Variants in FAM78B observed in about 807,000 individuals in gnomAD.
FAM78B encodes the protein family with sequence similarity 78 member B.
In FAM78B, 10 loss-of-function variants were observed where a neutral mutation model predicts 20.0. The ratio of observed to expected loss-of-function variants is 0.50; its 90% CI spans 0.31 to 0.85. The LOEUF is 0.85. Ranked by LOEUF, FAM78B falls within the 40% of genes least tolerant of loss-of-function variation. FAM78B has a pLI of 0.05. For missense variants in FAM78B, 283 were observed against 345.0 expected (o/e 0.82, Z 1.42); for synonymous variants, 135 against 132.8 (o/e 1.02, Z -0.12).
chr1:166,150,073 C>T (rs1655617446), intron 1 of FAM78B, among the ~76,000 whole-genome samples: 1 of 152,202 alleles, frequency 6.6e-6, no homozygotes, highest in African/African-American at 2.4e-5. Context: ...GACTCTGATA[C>T]TGCATAGGGA....
chr1:166,157,087 C>G (rs1245945736), intron 1 of FAM78B, among the ~76,000 whole-genome samples: 1 of 149,012 alleles, frequency 6.7e-6, no homozygotes, highest in Non-Finnish European at 1.5e-5. Context: ...AGAAAACAGC[C>G]CTGGCTCCAG....
chr1:166,127,328 C>T (rs6659245), intron 1 of FAM78B, among the ~76,000 whole-genome samples: 24,758 of 152,204 alleles, frequency 0.16, 2,191 homozygotes, highest in East Asian at 0.27. Flanking sequence ...GCCTCCACCC[C>T]AATCACCACC....
intron 1 of FAM78B, among the ~76,000 whole-genome samples, chr1:166,102,964 C>G (rs1000540548): frequency 1.3e-5 from 2 of 152,162 alleles, no homozygotes; most frequent in Non-Finnish European, 2.9e-5. Context: ...GGAAGTAAAG[C>G]ACTCCTCAGC....
At chr1:166,091,590 A>G (rs550063337) in intron 1 of FAM78B, among the ~76,000 whole-genome samples, 34 of 152,264 alleles carry the variant, frequency 2.2e-4, no homozygotes, top group South Asian at 2.1e-4. Context: ...AGGTGTATCT[A>G]TCTTTACCAG....
chr1:166,146,416 T>C (rs1412629857), intron 1 of FAM78B, among the ~76,000 whole-genome samples: 2 of 152,182 alleles, frequency 1.3e-5, no homozygotes, highest in African/African-American at 4.8e-5. Flanking sequence ...TGGTACTTGA[T>C]AAAATAATAA....
At chr1:166,125,919 C>T (rs1290940719) in intron 1 of FAM78B, among the ~76,000 whole-genome samples, 1 of 151,448 alleles carries the variant, frequency 6.6e-6, no homozygotes, top group Admixed American at 6.6e-5. Flanking sequence ...GCAACCTCCA[C>T]CTCCCAGGTT....
chr1:166,067,718 C>T (rs758705921), downstream of FAM78B, among the ~76,000 whole-genome samples: 9 of 152,170 alleles, frequency 5.9e-5, no homozygotes, highest in Non-Finnish European at 1.2e-4. Flanking sequence ...AGCATTCTGC[C>T]AGGCTGACTT....
At chr1:166,090,640 C>T (rs1653030291) in intron 1 of FAM78B, among the ~76,000 whole-genome samples, 1 of 152,196 alleles carries the variant, frequency 6.6e-6, no homozygotes, top group Admixed American at 6.5e-5. Context: ...GATTTCTTCA[C>T]CACCTGCCAT....
chr1:166,102,352 A>G (rs1277612501), intron 1 of FAM78B, among the ~76,000 whole-genome samples: 9 of 152,226 alleles, frequency 5.9e-5, no homozygotes, highest in African/African-American at 2.2e-4. Flanking sequence ...AAATTCACAC[A>G]TAACAATATT....
intron 1 of FAM78B, among the ~76,000 whole-genome samples, chr1:166,109,832 G>GTA (rs1215891381): frequency 2.1e-4 from 6 of 28,272 alleles, no homozygotes; most frequent in African/African-American, 5.1e-4. Flanking sequence ...ATATATATAT[G>GTA]TATATATGTA....
At chr1:166,121,246 G>A (rs1557907706) in intron 1 of FAM78B, among the ~76,000 whole-genome samples, 1 of 152,258 alleles carries the variant, frequency 6.6e-6, no homozygotes, top group Non-Finnish European at 1.5e-5. Context: ...ATATGGTCCT[G>A]GGGACTTCAG....
At chr1:166,114,731 C>A (rs1200781180) in intron 1 of FAM78B, among the ~76,000 whole-genome samples, 1 of 152,136 alleles carries the variant, frequency 6.6e-6, no homozygotes, top group Non-Finnish European at 1.5e-5. Flanking sequence ...AGATGAGGAG[C>A]CTTCCCAGAA....
At chr1:166,163,135 C>A (rs966944218) in intron 1 of FAM78B, among the ~76,000 whole-genome samples, 1 of 152,184 alleles carries the variant, frequency 6.6e-6, no homozygotes, top group Non-Finnish European at 1.5e-5. Context: ...TGTATATTGA[C>A]AGGTTGATTG....
At chr1:166,153,063 T>C (rs1476944735) in intron 1 of FAM78B, among the ~76,000 whole-genome samples, 4 of 152,122 alleles carry the variant, frequency 2.6e-5, no homozygotes, top group Non-Finnish European at 2.9e-5. Flanking sequence ...ATTTTCTTTA[T>C]AAAGATCATC....
intron 1 of FAM78B, among the ~76,000 whole-genome samples, chr1:166,106,293 C>T (rs1028825935): frequency 2.1e-4 from 32 of 149,516 alleles, no homozygotes; most frequent in Non-Finnish European, 4.4e-5. Context: ...CAACATGGCA[C>T]ATGTATACAT....
chr1:166,163,225 G>C (rs947707896), intron 1 of FAM78B, among the ~76,000 whole-genome samples: 1 of 152,166 alleles, frequency 6.6e-6, no homozygotes, highest in East Asian at 1.9e-4. Flanking sequence ...AGATTCACCA[G>C]GGCCAAATGA....
intron 1 of FAM78B, among the ~76,000 whole-genome samples, chr1:166,164,561 T>C (rs1291665376): frequency 1.3e-5 from 2 of 152,228 alleles, no homozygotes; most frequent in Admixed American, 1.3e-4. Context: ...TCACTAGGAA[T>C]TGAGTTTTCT....
intron 1 of FAM78B, among the ~76,000 whole-genome samples, chr1:166,149,393 T>C (rs970572522): frequency 1.3e-5 from 2 of 152,248 alleles, no homozygotes; most frequent in Non-Finnish European, 2.9e-5. Flanking sequence ...TCTTTTTACA[T>C]GTCTTCTCAC....
At chr1:166,092,718 C>T (rs1653126805) in intron 1 of FAM78B, among the ~76,000 whole-genome samples, 1 of 152,172 alleles carries the variant, frequency 6.6e-6, no homozygotes, top group South Asian at 2.1e-4. Flanking sequence ...GCACAGCTTT[C>T]ATTTTAGGTC....
Sources: gnomAD v4.1 joint callset for allele counts (sites outside exome capture counted in the v4.1 genomes callset) on GRCh38, gnomAD v4.1.1 for gene constraint, MANE v1.5 for transcripts, NCBI Gene and HGNC (gene_info 2026-07-23, HGNC 2026-07-21) for gene names.